The following SCAI variants were observed in gnomAD, a reference collection of about 807,000 sequenced individuals.
SCAI encodes the protein suppressor of cancer cell invasion.
Under a neutral mutation model 92.2 loss-of-function variants are expected in SCAI, and 24 were observed. The ratio of observed to expected loss-of-function variants is 0.26; its 90% confidence interval spans 0.19 to 0.37. The LOEUF (loss-of-function observed/expected upper bound fraction) is 0.37. Ranked by LOEUF, SCAI falls within the 10% of genes least tolerant of loss-of-function variation. The pLI is 1.00. For missense variants in SCAI, 450 were observed against 736.2 expected (o/e 0.61, Z 4.50); for synonymous variants, 261 against 258.6 (o/e 1.01, Z -0.09).
chr9:125,095,832 A>G (rs941325631), intron 2 of SCAI, among the ~76,000 whole-genome samples: 2 of 152,214 alleles, frequency 1.3e-5, no homozygotes, highest in Admixed American at 6.5e-5. Flanking sequence ...AAACAAAACA[A>G]AAGAATAGAA....
intron 3 of SCAI, among the ~76,000 whole-genome samples, chr9:125,052,556 G>C (rs2131131308): frequency 6.6e-6 from 1 of 152,066 alleles, no homozygotes; most frequent in South Asian, 2.1e-4. Flanking sequence ...CCCAGGAGGC[G>C]GAGGTTGCAG....
rs373618289 is a variant in SCAI at position 125,018,826 on chromosome 9, T to C, written c.834A>G (p.Ala278=). ...GATTATTACAATTACCAATAATGAG[T>C]GCGTCAGCCAGAGACAACTGTCCCA... ...MIVGQLSLAD[A]LIIGNCNNQV... is the part of the protein sequence containing the mutation. The change falls in exon 9 of 18, where the codon GCA becomes GCG. Residue 278 remains alanine, a synonymous_variant. Transcript: ENST00000336505. 394 of 1,612,062 alleles carry C rather than the reference T, an allele frequency of 2.4e-4. No individual in the cohort carries two copies. The African/African-American group carries it at 4.9e-3, about 20-fold the overall frequency.
At position 124,971,657 on chromosome 9, in the gene SCAI, G is replaced by C. The variant is rs754161908; in HGVS notation, c.1573+14C>G. 2 of 1,582,612 alleles carry C rather than the reference G, an allele frequency of 1.3e-6. No individual in the cohort carries two copies. The highest frequency in any genetic ancestry group is 1.7e-6 in the Non-Finnish European group (2 of 1,165,642). On this transcript the variant is annotated intron_variant, in intron 16 of 17. Coordinates refer to ENST00000336505, the MANE Select transcript of SCAI (RefSeq NM_001144877.3). ...GTACATTCTGTTAAACGTGCAGTTA[G>C]ATTAGGAGGGTACCTATTGAACGTG...
At chr9:124,966,305 C>T (rs1405451788) in intron 17 of SCAI, among the ~76,000 whole-genome samples, 2 of 149,484 alleles carry the variant, frequency 1.3e-5, no homozygotes, top group Non-Finnish European at 3.0e-5. Context: ...TCAATTCCCA[C>T]CTATGAGTGA....
chr9:124,971,257 A>G (rs1831653612), intron 17 of SCAI, 113 bp downstream of exon 17: 2 of 520,940 alleles, frequency 3.8e-6, no homozygotes, highest in African/African-American at 4.0e-5. Flanking sequence ...TTTTGAATTT[A>G]TCCAAAATAA....
intron 2 of SCAI, among the ~76,000 whole-genome samples, chr9:125,059,608 G>A (rs1833734905): frequency 6.6e-6 from 1 of 152,108 alleles, no homozygotes; most frequent in African/African-American, 2.4e-5. Context: ...GTTGCTAGAG[G>A]CAGTGTAAAT....
intron 2 of SCAI, among the ~76,000 whole-genome samples, chr9:125,102,128 C>T (rs1029691756): frequency 7.9e-5 from 12 of 152,150 alleles, no homozygotes; most frequent in East Asian, 3.9e-4. Context: ...ACACACCCCA[C>T]GTCGGTGACA....
At chr9:125,060,303 CTGAT>C (rs1833747275) in intron 2 of SCAI, among the ~76,000 whole-genome samples, 1 of 145,454 alleles carries the variant, frequency 6.9e-6, no homozygotes, top group African/African-American at 2.5e-5. Context: ...TGAAAGGAAA[CTGAT>C]AAAGACATAT....
At chr9:125,000,314 A>T (rs1188896828) in intron 12 of SCAI, among the ~76,000 whole-genome samples, 2 of 152,190 alleles carry the variant, frequency 1.3e-5, no homozygotes, top group African/African-American at 2.4e-5. Flanking sequence ...TGACCTTTAC[A>T]TTTCAAGCAA....
rs555020605 is a variant in SCAI at position 125,126,645 on chromosome 9, A to G, written c.98+15988T>C. Among the ~76,000 whole-genome samples, 6 of 152,176 alleles carry G rather than the reference A, an allele frequency of 3.9e-5. No individual in the cohort carries two copies. The East Asian group carries it at 7.7e-4, about 20-fold the overall frequency. ...CAGAAACCAGTCTTTTAAAAACCCA[A>G]TCTGGGAAGAGACATCTCATCACTT... On this transcript the variant is annotated intron_variant, in intron 2 of 17. Transcript: ENST00000336505.
chr9:124,963,819 C>G lies in SCAI; in HGVS notation c.1674+7551G>C, dbSNP rs1296228371. On this transcript the variant is annotated intron_variant, in intron 17 of 17. Coordinates refer to ENST00000336505, the MANE Select transcript of SCAI (RefSeq NM_001144877.3). ...ATCATAAGGAAGAGAAATATATTTA[C>G]TATTCATTAAATGGAAGTGGATTAT... 3.0e-5 allele frequency among the ~76,000 whole-genome samples: 4 copies of G among 133,008 alleles called. No individual in the cohort carries two copies. In the East Asian group the frequency reaches 7.4e-4, roughly 25 times the overall value. 87.3% of individuals were successfully genotyped at this position (133,008 alleles called of 152,430 possible).
At chr9:125,004,329 CTTT>C (rs563470435) in intron 9 of SCAI, among the ~76,000 whole-genome samples, 11 of 134,350 alleles carry the variant, frequency 8.2e-5, no homozygotes, top group Admixed American at 1.5e-4. Context: ...AGCCCAAATT[CTTT>C]TTTTTTTTTT....
chr9:124,999,375 A>G (rs1588142253), intron 13 of SCAI, among the ~76,000 whole-genome samples: 1 of 151,610 alleles, frequency 6.6e-6, no homozygotes, highest in East Asian at 1.9e-4. Context: ...TGACAGGGCA[A>G]GACTCCATCT....
intron 9 of SCAI, among the ~76,000 whole-genome samples, chr9:125,004,678 T>C (rs1464530691): frequency 7.3e-6 from 1 of 137,110 alleles, no homozygotes; most frequent in Non-Finnish European, 1.5e-5. Context: ...CCTTGCTACA[T>C]GAGAAAAAAG....
chr9:125,045,592 T>C (rs1833417638), intron 3 of SCAI, among the ~76,000 whole-genome samples: 1 of 152,192 alleles, frequency 6.6e-6, no homozygotes, highest in African/African-American at 2.4e-5. Flanking sequence ...GGCCTTGGCC[T>C]CCCAAAGTGC....
At chr9:125,139,219 C>A (rs1835610827) in intron 2 of SCAI, among the ~76,000 whole-genome samples, 1 of 152,204 alleles carries the variant, frequency 6.6e-6, no homozygotes, top group Non-Finnish European at 1.5e-5. Context: ...TCACGACCAG[C>A]CTGAGCAACA....
chr9:125,058,279 C>T (rs1833710542), intron 2 of SCAI, among the ~76,000 whole-genome samples: 1 of 151,388 alleles, frequency 6.6e-6, no homozygotes, highest in Admixed American at 6.6e-5. Flanking sequence ...TCTGGGAGGC[C>T]AAGGTGGGTG....
intron 3 of SCAI, among the ~76,000 whole-genome samples, chr9:125,042,858 C>CTTTT (rs770118712): frequency 1.4e-4 from 7 of 50,994 alleles, no homozygotes; most frequent in Non-Finnish European, 1.8e-4. Context: ...TGCTCCCTGG[C>CTTTT]TTTTTTTTTT....
At chr9:125,010,110 G>A (rs1240146246) in intron 9 of SCAI, among the ~76,000 whole-genome samples, 1 of 152,232 alleles carries the variant, frequency 6.6e-6, no homozygotes, top group Non-Finnish European at 1.5e-5. Flanking sequence ...AAGCGACGCA[G>A]AAGACGGGTG....
Sources: gnomAD v4.1 joint callset for allele counts (sites outside exome capture counted in the v4.1 genomes callset) on GRCh38, gnomAD v4.1.1 for gene constraint, MANE v1.5 for transcripts, NCBI Gene and HGNC (gene_info 2026-07-23, HGNC 2026-07-21) for gene names.